MADD: variants seen among roughly 807,000 people sequenced by gnomAD.
MADD encodes the protein MAP kinase-activating death domain protein.
A neutral mutation model predicts 176.7 loss-of-function variants in MADD; 109 were observed. The observed-to-expected ratio is 0.62, with a 90% CI of 0.53 to 0.72. The LOEUF is 0.72. MADD is among the 30% of genes least tolerant of loss of function. The pLI is 0.00. For missense variants in MADD, 1,914 were observed against 2,045.5 expected (o/e 0.94, Z 1.24); for synonymous variants, 771 against 771.3 (o/e 1.00, Z 0.01).
At position 47,282,625 on chromosome 11, in the gene MADD, A is replaced by C. The variant is rs749466807; in HGVS notation, c.1705+9A>C. On this transcript the variant is annotated intron_variant, in intron 9 of 32. Coordinates refer to ENST00000402192, the Ensembl canonical transcript of MADD. ...TCAGCGAATTCACAACAGTGAGTCT[A>C]CCTGCCCTCTGCTCCGCTCTGCCTT... is the stretch of plus-strand genomic sequence containing the variant. The C allele has an allele frequency of 1.2e-6, 2 of 1,613,216 alleles. No individual in the cohort carries two copies. Among genetic ancestry groups the C allele is most frequent in the African/African-American group, 1.3e-5 (1 of 75,002 alleles).
Position 47,276,669 on chromosome 11 carries a change from G to C in MADD, c.964-63G>C, listed in dbSNP as rs145191856. 616 of 1,581,894 alleles carry C rather than the reference G, an allele frequency of 3.9e-4. 6 individuals carry two copies. The African/African-American group carries it at 5.9e-3, about 15-fold the overall frequency. On this transcript the variant is annotated intron_variant, in intron 4 of 32. Coordinates refer to ENST00000402192, the Ensembl canonical transcript of MADD. ...TGGAAACCAAGTTGTAATGTTGGAA[G>C]CTGTTTTCTTGTAAACCATATTTTA...
chr11:47,293,382 A>G (rs951909486), intron 19 of MADD, among the ~76,000 whole-genome samples: 55 of 151,388 alleles, frequency 3.6e-4, no homozygotes, highest in African/African-American at 1.3e-3. Flanking sequence ...CCTCACTGCA[A>G]CCTCTGCCTC....
intron 10 of MADD, among the ~76,000 whole-genome samples, chr11:47,283,389 G>A (rs775684458): frequency 1.9e-4 from 29 of 151,910 alleles, no homozygotes; most frequent in Non-Finnish European, 4.1e-4. Flanking sequence ...CACCGCGCCC[G>A]GCCTTATTTA....
At chr11:47,318,938 G>A (rs1397440394) in intron 27 of MADD, among the ~76,000 whole-genome samples, 1 of 150,486 alleles carries the variant, frequency 6.6e-6, no homozygotes, top group Non-Finnish European at 1.5e-5. Flanking sequence ...CTCCTGAGTA[G>A]CTGGGACTAC....
chr11:47,275,286 AT>A, intron 3 of MADD, 127 bp downstream of exon 3: 1 of 829,646 alleles, frequency 1.2e-6, no homozygotes, highest in Non-Finnish European at 1.9e-6. Context: ...TATTTAGAGT[AT>A]TTAGAGTTAA....
exon 33 of MADD, chr11:47,329,521 C>G (rs1444050999): frequency 5.1e-6 from 1 of 197,892 alleles, no homozygotes; most frequent in Non-Finnish European, 1.1e-5. Context: ...TCTCTGTGAC[C>G]CGGCATGACT....
At chr11:47,328,807 G>A (rs2095755003) in intron 32 of MADD, 103 bp downstream of exon 36, 1 of 1,465,578 alleles carries the variant, frequency 6.8e-7, no homozygotes, top group Non-Finnish European at 9.4e-7. Context: ...AGGGGTGAGT[G>A]GGGACCTCGT....
intron 19 of MADD, chr11:47,292,584 T>G: frequency 6.2e-7 from 1 of 1,614,032 alleles, no homozygotes; most frequent in Non-Finnish European, 8.5e-7. Flanking sequence ...GCAAAAAGCT[T>G]TGGAAAAACA....
At chr11:47,324,103 C>G (rs2095041330) in intron 28 of MADD, 162 bp from the exon 32 acceptor site, 4 of 674,898 alleles carry the variant, frequency 5.9e-6, no homozygotes, top group South Asian at 1.8e-5. Context: ...CCGGATCTAT[C>G]ATTCATAACC....
intron 27 of MADD, among the ~76,000 whole-genome samples, chr11:47,322,222 A>G (rs2094574045): frequency 6.6e-6 from 1 of 152,128 alleles, no homozygotes; most frequent in Non-Finnish European, 1.5e-5. Flanking sequence ...CAGCTCAGTA[A>G]TGGCAGAGCT....
rs150581184 is a variant in MADD, at chr11:47,288,172, C to G, written c.2654-1219C>G. Among the ~76,000 whole-genome samples the G allele has an allele frequency of 5.0e-4, 76 of 152,308 alleles. No individual in the cohort carries two copies. In the East Asian group the frequency reaches 9.5e-3, roughly 19 times the overall value. ...GGGTGCAGTAGCTCACACCTGTCAT[C>G]CTAGCTACTTGTTAGGCAGAGGCAG... On this transcript the variant is annotated intron_variant, in intron 15 of 32. Coordinates refer to ENST00000402192, the Ensembl canonical transcript of MADD.
intron 6 of MADD, among the ~76,000 whole-genome samples, chr11:47,278,733 T>C (rs2053092277): frequency 6.6e-6 from 1 of 152,042 alleles, no homozygotes; most frequent in Non-Finnish European, 1.5e-5. Flanking sequence ...TTAAAAAAAA[T>C]AAAAATAAGC....
chr11:47,272,208 G>C (rs1232955424), intron 1 of MADD: 1 of 152,210 alleles, frequency 6.6e-6, no homozygotes, highest in African/African-American at 2.4e-5. Flanking sequence ...GAGGGGCTGT[G>C]GCTCTGCTAT....
intron 1 of MADD, among the ~76,000 whole-genome samples, chr11:47,270,485 C>A (rs1315250824): frequency 3.1e-5 from 2 of 64,270 alleles, no homozygotes; most frequent in African/African-American, 6.3e-5. Flanking sequence ...GCGGGCGGCT[C>A]GGGTTCAGGT....
At chr11:47,291,449 C>G (rs931993072) in intron 19 of MADD, among the ~76,000 whole-genome samples, 5 of 152,172 alleles carry the variant, frequency 3.3e-5, no homozygotes, top group African/African-American at 1.2e-4. Flanking sequence ...GGCTCACTCC[C>G]TGCTTGACCT....
At position 47,311,860 on chromosome 11, in the gene MADD, C is replaced by G. The variant is rs772401148; in HGVS notation, c.4089+18C>G. 36 of 1,525,058 alleles carry G rather than the reference C, an allele frequency of 2.4e-5. No homozygotes were observed. Among genetic ancestry groups the G allele is most frequent in the Non-Finnish European group, 3.2e-5 (35 of 1,100,566 alleles). 94.5% of individuals were successfully genotyped at this position (1,525,058 alleles called of 1,614,324 possible). On this transcript the variant is annotated intron_variant, in intron 26 of 32. Transcript: ENST00000402192. ...CGAACCTGGTAAGCACGTCTGGCCA[C>G]CCCTTAGGCTTCCCCATGGGTCATT...
At chr11:47,316,254 A>C (rs2092886691) in intron 27 of MADD, among the ~76,000 whole-genome samples, 1 of 152,134 alleles carries the variant, frequency 6.6e-6, no homozygotes, top group South Asian at 2.1e-4. Context: ...AAAATAGTAC[A>C]CATTGGGAGG....
At chr11:47,309,456 G>A (rs1210449638) in intron 24 of MADD, 51 bp from the exon 28 acceptor site, 3 of 1,614,066 alleles carry the variant, frequency 1.9e-6, no homozygotes, top group Non-Finnish European at 1.7e-6. Context: ...CTCCCAGTTA[G>A]TTCTGTGGTC....
intron 32 of MADD, 83 bp from the exon 37 acceptor site, chr11:47,328,963 A>G: frequency 1.6e-6 from 2 of 1,213,370 alleles, no homozygotes; most frequent in Non-Finnish European, 2.4e-6. Flanking sequence ...GTGTTAGGGC[A>G]GGAGTTGCCC....
Sources: gnomAD v4.1 joint callset for allele counts (sites outside exome capture counted in the v4.1 genomes callset) on GRCh38, gnomAD v4.1.1 for gene constraint, MANE v1.5 for transcripts, NCBI Gene and HGNC (gene_info 2026-07-23, HGNC 2026-07-21) for gene names.